The following PGM5 variants were observed in gnomAD, a reference collection of about 807,000 sequenced individuals.
PGM5 encodes the protein phosphoglucomutase-like protein 5.
A neutral mutation model predicts 59.2 loss-of-function variants in PGM5; 23 were observed. The ratio of observed to expected loss-of-function variants is 0.39; its 90% CI spans 0.28 to 0.55. The LOEUF (loss-of-function observed/expected upper bound fraction) is 0.55. Among genes scored for constraint, PGM5 ranks in the 20% least tolerant of loss-of-function variants. The probability of loss-of-function intolerance (pLI) is 0.66; values close to 1 mark genes in which losing one functional copy is unlikely to be tolerated. For missense variants in PGM5, 574 were observed against 748.3 expected (o/e 0.77, Z 2.72); for synonymous variants, 214 against 286.0 (o/e 0.75, Z 2.54).
intron 6 of PGM5, among the ~76,000 whole-genome samples, chr9:68,435,352 A>T (rs1823427804): frequency 6.6e-6 from 1 of 152,196 alleles, no homozygotes; most frequent in Non-Finnish European, 1.5e-5. Context: ...TGCAACCATC[A>T]TCATAATGGT....
intron 1 of PGM5, among the ~76,000 whole-genome samples, chr9:68,366,819 A>G (rs878880854): frequency 6.6e-6 from 1 of 152,150 alleles, no homozygotes; most frequent in African/African-American, 2.4e-5. Context: ...TGAATGTGAT[A>G]ATGGGTTACA....
At chr9:68,472,645 G>T (rs1554686346) in intron 7 of PGM5, among the ~76,000 whole-genome samples, 1 of 152,212 alleles carries the variant, frequency 6.6e-6, no homozygotes, top group African/African-American at 2.4e-5. Flanking sequence ...ACATACTAAA[G>T]AGGCATTCAT....
At chr9:68,454,192 A>G (rs1823737894) in intron 6 of PGM5, among the ~76,000 whole-genome samples, 1 of 152,172 alleles carries the variant, frequency 6.6e-6, no homozygotes, top group African/African-American at 2.4e-5. Context: ...GGCTGGAAAC[A>G]TGACTCTTCT....
At chr9:68,381,799 T>TG (rs1416568757) in intron 2 of PGM5, among the ~76,000 whole-genome samples, 15 of 151,896 alleles carry the variant, frequency 9.9e-5, no homozygotes, top group African/African-American at 3.6e-4. Context: ...ATGCCATTTA[T>TG]GATAGCATCA....
intron 6 of PGM5, among the ~76,000 whole-genome samples, chr9:68,447,631 T>C (rs1351841851): frequency 2.6e-5 from 4 of 152,240 alleles, no homozygotes; most frequent in Non-Finnish European, 4.4e-5. Flanking sequence ...TTATTATTAC[T>C]ACTAGAAGAA....
intron 6 of PGM5, among the ~76,000 whole-genome samples, chr9:68,461,027 T>C (rs1823852017): frequency 1.3e-5 from 2 of 152,162 alleles, no homozygotes; most frequent in African/African-American, 4.8e-5. Context: ...TAAGATAGTG[T>C]CGCTGCTACT....
intron 9 of PGM5, among the ~76,000 whole-genome samples, chr9:68,486,189 G>C (rs1824292661): frequency 6.6e-6 from 1 of 151,938 alleles, no homozygotes; most frequent in African/African-American, 2.4e-5. Context: ...TTCATTCAGT[G>C]GATATTTATT....
At chr9:68,449,698 G>A (rs1335434865) in intron 6 of PGM5, among the ~76,000 whole-genome samples, 2 of 152,232 alleles carry the variant, frequency 1.3e-5, no homozygotes, top group Admixed American at 1.3e-4. Flanking sequence ...CAAAGCTAGT[G>A]AAAGGTGGGC....
intron 7 of PGM5, among the ~76,000 whole-genome samples, chr9:68,468,334 C>T (rs1823968710): frequency 6.6e-6 from 1 of 152,088 alleles, no homozygotes; most frequent in South Asian, 2.1e-4. Context: ...ATATTGTATA[C>T]AATAATTCTG....
In PGM5 at chr9:68,450,814, A is replaced by G. The variant is rs72714325; in HGVS notation, c.1044-14279A>G. 6.9e-3 allele frequency among the ~76,000 whole-genome samples: 1,053 copies of G among 152,314 alleles called. 6 individuals are homozygous for G. Among genetic ancestry groups the G allele is most frequent in the Non-Finnish European group, 0.01 (684 of 68,026 alleles). On this transcript the variant is annotated intron_variant, in intron 6 of 10. Coordinates refer to ENST00000396396, the MANE Select transcript of PGM5 (RefSeq NM_021965.4). The stretch of plus-strand genomic sequence containing the variant: ...TGCTGGGTTAGTGTGCTGGGATTGC[A>G]TGTGTCTGTATCTCATATTCGAAAT...
intron 6 of PGM5, among the ~76,000 whole-genome samples, chr9:68,431,602 G>C (rs1823349580): frequency 6.6e-6 from 1 of 152,180 alleles, no homozygotes; most frequent in African/African-American, 2.4e-5. Context: ...TGTGGCAATG[G>C]AGTGTGCCCT....
intron 1 of PGM5, among the ~76,000 whole-genome samples, chr9:68,368,528 TAGTG>T (rs1184728975): frequency 6.0e-5 from 9 of 150,244 alleles, no homozygotes; most frequent in East Asian, 2.0e-4. Flanking sequence ...AGCAGCTTCT[TAGTG>T]AGCAGGTTTA....
Position 68,387,580 on chromosome 9 carries a change from T to A in PGM5, c.689T>A (p.Met230Lys), listed in dbSNP as rs782308992. 1 of 1,611,772 alleles carries A rather than the reference T, an allele frequency of 6.2e-7. No individual in the cohort carries two copies. Among genetic ancestry groups the A allele is most frequent in the African/African-American group, 1.3e-5 (1 of 74,804 alleles). Residue 230 changes from methionine (M) to lysine (K), a missense_variant, in exon 4 of 11, where the codon ATG (methionine) becomes AAG (lysine). By Grantham distance (95) the Met-to-Lys change is moderately conservative. Transcript: ENST00000396396. ...PSQLKIRIDA[M>K]HGVMGPYVRK... is the part of the protein sequence containing the mutation. ...CAACTGAAGATTCGCATTGACGCAA[T>A]GCACGGAGGTAAGCTTGTGATTTTC...
At chr9:68,513,564 C>A (rs1824783333) in intron 10 of PGM5, among the ~76,000 whole-genome samples, 1 of 152,304 alleles carries the variant, frequency 6.6e-6, no homozygotes, top group Admixed American at 6.5e-5. Flanking sequence ...CCAGGGAGTG[C>A]TGTGACATTG....
At chr9:68,482,539 T>A (rs1156838614) in intron 8 of PGM5, among the ~76,000 whole-genome samples, 1 of 152,218 alleles carries the variant, frequency 6.6e-6, no homozygotes, top group East Asian at 1.9e-4. Context: ...GTTTACTGGA[T>A]GTCTTAAAGA....
intron 6 of PGM5, chr9:68,394,339 T>C (rs1350806561): frequency 2.0e-5 from 3 of 152,134 alleles, no homozygotes; most frequent in Non-Finnish European, 4.4e-5. Context: ...TGATGACGCA[T>C]GCCTGTAATC....
rs781791045 is a variant in PGM5 at position 68,432,511 on chromosome 9, C to CA, written c.1044-32571dup. ...CCATTGTGCCTGACCATGTTTTAAA[C>CA]AAAAAAAAAAATTGACGTTATATTT... On this transcript the variant is annotated intron_variant, in intron 6 of 10. Transcript: ENST00000396396. 2.5e-3 allele frequency among the ~76,000 whole-genome samples: 359 copies of CA among 143,382 alleles called. 4 individuals are homozygous for CA. The highest frequency in any genetic ancestry group is 5.5e-3 in the African/African-American group (216 of 39,394). The allele number at this position is 143,382 out of a possible 152,430, so 94.1% of individuals were successfully genotyped here.
intron 6 of PGM5, among the ~76,000 whole-genome samples, chr9:68,419,339 G>C (rs1470198887): frequency 6.6e-6 from 1 of 152,068 alleles, no homozygotes; most frequent in Non-Finnish European, 1.5e-5. Context: ...GCCATTTTAT[G>C]GGCAAAACAG....
Position 68,400,916 on chromosome 9 carries a change from T to C in PGM5, c.1043+8443T>C, listed in dbSNP as rs1411215366. ...GTTGTTTATTCCTTGCCCTGGCAAATTGAATGAGGACTGGATTCATTACCA... is the reference window on the plus strand; with the variant it reads ...GTTGTTTATTCCTTGCCCTGGCAAACTGAATGAGGACTGGATTCATTACCA... On this transcript the variant is annotated intron_variant, in intron 6 of 10. Transcript: ENST00000396396. Among the ~76,000 whole-genome samples the C allele has an allele frequency of 4.6e-5, 7 of 152,324 alleles. No homozygotes were observed. The South Asian group carries it at 1.0e-3, about 23-fold the overall frequency.
Sources: allele counts gnomAD v4.1 joint callset (sites outside exome capture counted in the v4.1 genomes callset), GRCh38; gene constraint gnomAD v4.1.1; transcripts MANE v1.5; gene names NCBI Gene and HGNC (gene_info 2026-07-23, HGNC 2026-07-21).